Variants in ASIC2 observed in about 807,000 individuals in gnomAD.
The protein encoded by ASIC2 is acid sensing ion channel subunit 2.
A neutral mutation model predicts 57.3 loss-of-function variants in ASIC2; 25 were observed. That is an observed-to-expected ratio of 0.44 (90% confidence interval 0.32 to 0.61). The LOEUF (loss-of-function observed/expected upper bound fraction) is 0.61, where lower values mean the gene tolerates loss of function less well. ASIC2 is among the 20% of genes least tolerant of loss of function. The probability of loss-of-function intolerance (pLI) is 0.06; values close to 1 mark genes in which losing one functional copy is unlikely to be tolerated. For synonymous variants in ASIC2, 319 were observed against 307.5 expected (o/e 1.04, Z -0.39); for missense variants, 641 against 738.1 (o/e 0.87, Z 1.52).
chr17:33,140,894 G>GCCACAAGGCAGAA (rs1349199730), intron 1 of ASIC2, among the ~76,000 whole-genome samples: 1 of 152,240 alleles, frequency 6.6e-6, no homozygotes, highest in Non-Finnish European at 1.5e-5. Flanking sequence ...TTCCATCCGG[G>GCCACAAGGCAGAA]CCACAAGGCA....
intron 1 of ASIC2, among the ~76,000 whole-genome samples, chr17:33,332,626 C>T (rs906814485): frequency 2.0e-5 from 3 of 152,284 alleles, no homozygotes; most frequent in East Asian, 1.9e-4. Context: ...CATGGTGGCT[C>T]ACGCTTGTAA....
chr17:33,897,637 C>A (rs951378229), intron 1 of ASIC2, among the ~76,000 whole-genome samples: 1 of 152,194 alleles, frequency 6.6e-6, no homozygotes, highest in African/African-American at 2.4e-5. Flanking sequence ...TACCCATGTG[C>A]TTCATTTCAA....
chr17:33,336,611 C>T (rs1468541097), intron 1 of ASIC2, among the ~76,000 whole-genome samples: 1 of 152,106 alleles, frequency 6.6e-6, no homozygotes, highest in African/African-American at 2.4e-5. Flanking sequence ...ATCGTTTAGT[C>T]CCATTCCACA....
chr17:33,576,155 C>T (rs1203351347), intron 1 of ASIC2, among the ~76,000 whole-genome samples: 3 of 152,212 alleles, frequency 2.0e-5, no homozygotes, highest in Admixed American at 6.5e-5. Context: ...CTGAGCCCTG[C>T]ACCCTTTGGC....
At chr17:33,062,384 A>G (rs2141940849) in intron 3 of ASIC2, among the ~76,000 whole-genome samples, 1 of 152,322 alleles carries the variant, frequency 6.6e-6, no homozygotes, top group South Asian at 2.1e-4. Context: ...TTGGTTTCAA[A>G]GAACATCTTT....
chr17:33,669,494 C>G (rs1390156726), intron 1 of ASIC2, among the ~76,000 whole-genome samples: 1 of 152,152 alleles, frequency 6.6e-6, no homozygotes, highest in South Asian at 2.1e-4. Flanking sequence ...GGAAGAGATT[C>G]CTCATTTCCT....
chr17:33,127,317 C>T (rs182945137), intron 1 of ASIC2, among the ~76,000 whole-genome samples: 1 of 152,296 alleles, frequency 6.6e-6, no homozygotes, highest in African/African-American at 2.4e-5. Flanking sequence ...GGAACTCTGC[C>T]TCCCAGGATG....
intron 1 of ASIC2, among the ~76,000 whole-genome samples, chr17:33,696,301 G>GT (rs1396646274): frequency 8.5e-5 from 13 of 152,184 alleles, no homozygotes; most frequent in African/African-American, 3.1e-4. Flanking sequence ...GGTGGAGGCC[G>GT]TATCTGAAAT....
intron 1 of ASIC2, among the ~76,000 whole-genome samples, chr17:33,901,435 C>G (rs1482075366): frequency 6.6e-6 from 1 of 152,122 alleles, no homozygotes; most frequent in African/African-American, 2.4e-5. Context: ...GGTGAATTCT[C>G]CCATATGGGA....
At chr17:33,715,104 A>T (rs1909175912) in intron 1 of ASIC2, among the ~76,000 whole-genome samples, 1 of 151,850 alleles carries the variant, frequency 6.6e-6, no homozygotes, top group African/African-American at 2.4e-5. Context: ...GGCTCAAGTG[A>T]TCCTCTTGCC....
rs143419806 is a variant in ASIC2, at chr17:33,765,936, TA to T, written c.555+390041del. ...ATGACCTTTCCACCTTGACTCCTAT[TA>T]CAAGCAGAGCTGCTTGGGAAGGGGT... On this transcript the variant is annotated intron_variant, in intron 1 of 9. Transcript: ENST00000359872. Among the ~76,000 whole-genome samples, 674 of 152,320 alleles carry T rather than the reference TA, an allele frequency of 4.4e-3. 6 individuals are homozygous for T. Among genetic ancestry groups the T allele is most frequent in the Middle Eastern group, 0.01 (3 of 294 alleles).
intron 1 of ASIC2, among the ~76,000 whole-genome samples, chr17:33,751,806 C>T (rs1910442613): frequency 6.6e-6 from 1 of 152,028 alleles, no homozygotes; most frequent in Non-Finnish European, 1.5e-5. Context: ...GGAGCTGCAA[C>T]AGCAAAGAAT....
chr17:33,430,852 G>C (rs56185018), intron 1 of ASIC2, among the ~76,000 whole-genome samples: 11,832 of 152,196 alleles, frequency 0.078, 516 homozygotes, highest in Middle Eastern at 0.1. Context: ...AGCAACTAGA[G>C]ACCAAAGCTC....
intron 1 of ASIC2, among the ~76,000 whole-genome samples, chr17:34,067,084 G>A (rs1909199820): frequency 6.6e-6 from 1 of 152,198 alleles, no homozygotes; most frequent in African/African-American, 2.4e-5. Context: ...TCTCATACTA[G>A]ACTTTAGGAA....
At chr17:33,322,811 G>A (rs72819197) in intron 1 of ASIC2, among the ~76,000 whole-genome samples, 18,840 of 152,116 alleles carry the variant, frequency 0.12, 1,567 homozygotes, top group South Asian at 0.27. Flanking sequence ...GAGGCTTCTC[G>A]GAGGAGGCTT....
At chr17:33,982,740 T>G (rs1433105269) in intron 1 of ASIC2, among the ~76,000 whole-genome samples, 1 of 152,330 alleles carries the variant, frequency 6.6e-6, no homozygotes, top group East Asian at 1.9e-4. Context: ...GGAGATTGTA[T>G]AGGAAAGTGA....
chr17:33,755,858 C>A (rs1428082594), intron 1 of ASIC2, among the ~76,000 whole-genome samples: 3 of 152,214 alleles, frequency 2.0e-5, no homozygotes, highest in African/African-American at 7.2e-5. Flanking sequence ...AGCAGCTGAG[C>A]CTTCACAGGC....
intron 1 of ASIC2, among the ~76,000 whole-genome samples, chr17:33,940,168 G>A (rs141644304): frequency 6.6e-6 from 1 of 152,192 alleles, no homozygotes; most frequent in Non-Finnish European, 1.5e-5. Context: ...CAACTCCGAG[G>A]ATCATAAGGT....
chr17:33,702,809 T>C (rs1908744499), intron 1 of ASIC2, among the ~76,000 whole-genome samples: 1 of 152,208 alleles, frequency 6.6e-6, no homozygotes, highest in African/African-American at 2.4e-5. Context: ...GAAGTGAATC[T>C]AGGAGATTTA....
Sources: gnomAD v4.1 joint callset for allele counts (sites outside exome capture counted in the v4.1 genomes callset) on GRCh38, gnomAD v4.1.1 for gene constraint, MANE v1.5 for transcripts, NCBI Gene and HGNC (gene_info 2026-07-23, HGNC 2026-07-21) for gene names.